Variants in PSD3 observed in about 807,000 individuals in gnomAD.
The protein encoded by PSD3 is pleckstrin and Sec7 domain containing 3.
In PSD3, 49 loss-of-function variants were observed where a neutral mutation model predicts 105.5. The observed-to-expected ratio is 0.46, with a 90% confidence interval of 0.37 to 0.59. The LOEUF is 0.59. PSD3 is among the 20% of genes least tolerant of loss of function. The pLI is 0.00. For synonymous variants in PSD3, 557 were observed against 457.8 expected (o/e 1.22, Z -2.77); for missense variants, 1,561 against 1,263.8 (o/e 1.24, Z -3.57).
chr8:18,614,346 C>A (rs1043219405), intron 11 of PSD3, among the ~76,000 whole-genome samples: 6 of 150,818 alleles, frequency 4.0e-5, no homozygotes, highest in South Asian at 2.1e-4. Flanking sequence ...CCCATCCCCC[C>A]CCCAAAAAAA....
intron 15 of PSD3, 105 bp downstream of exon 15, chr8:18,556,104 A>G: frequency 1.5e-6 from 2 of 1,355,682 alleles, no homozygotes; most frequent in Non-Finnish European, 2.0e-6. Flanking sequence ...AGCCAGGGGC[A>G]AGACACGCCT....
intron 9 of PSD3, among the ~76,000 whole-genome samples, chr8:18,681,221 T>G (rs1349439738): frequency 6.6e-6 from 1 of 151,716 alleles, no homozygotes; most frequent in Non-Finnish European, 1.5e-5. Context: ...TGGAGAGAGG[T>G]GGCAATGGGG....
chr8:18,626,273 T>G (rs1806469751), intron 11 of PSD3, among the ~76,000 whole-genome samples: 1 of 126,144 alleles, frequency 7.9e-6, no homozygotes, highest in Non-Finnish European at 1.6e-5. Flanking sequence ...CACCAAATCT[T>G]GAGTGAAATA....
chr8:18,808,632 T>A, intron 4 of PSD3: 1 of 1,288,242 alleles, frequency 7.8e-7, no homozygotes, highest in Non-Finnish European at 1.1e-6. Context: ...GCACAAAGGA[T>A]AAATATGTCC....
chr8:18,934,143 T>A (rs905557944), intron 2 of PSD3, among the ~76,000 whole-genome samples: 2 of 152,206 alleles, frequency 1.3e-5, no homozygotes, highest in African/African-American at 2.4e-5. Context: ...TCTGGAGTTA[T>A]TAAATAATCC....
At chr8:18,593,271 T>C (rs1471488649) in intron 12 of PSD3, among the ~76,000 whole-genome samples, 1 of 152,000 alleles carries the variant, frequency 6.6e-6, no homozygotes, top group African/African-American at 2.4e-5. Context: ...TCAAACAAAT[T>C]TACAAGAAAT....
At chr8:18,542,854 G>C (rs895139161) in intron 15 of PSD3, among the ~76,000 whole-genome samples, 1 of 152,120 alleles carries the variant, frequency 6.6e-6, no homozygotes, top group African/African-American at 2.4e-5. Context: ...GGTCAGTTTT[G>C]CTACCTTTGG....
intron 2 of PSD3, among the ~76,000 whole-genome samples, chr8:18,923,480 A>G (rs969550045): frequency 6.6e-6 from 1 of 152,240 alleles, no homozygotes; most frequent in Non-Finnish European, 1.5e-5. Flanking sequence ...TGGCTCACCA[A>G]TGACCACATA....
chr8:19,016,879 A>T (rs1827194731), upstream of PSD3, among the ~76,000 whole-genome samples: 1 of 151,926 alleles, frequency 6.6e-6, no homozygotes, highest in South Asian at 2.1e-4. Flanking sequence ...TAGATAACTG[A>T]CTCACTCTCT....
upstream of PSD3, among the ~76,000 whole-genome samples, chr8:19,018,407 G>A (rs1827243093): frequency 6.6e-6 from 1 of 151,798 alleles, no homozygotes; most frequent in South Asian, 2.1e-4. Flanking sequence ...TGATGCAGGT[G>A]TTCTATTTGG....
At chr8:18,961,949 T>A (rs1367815531) in intron 1 of PSD3, among the ~76,000 whole-genome samples, 2 of 152,032 alleles carry the variant, frequency 1.3e-5, no homozygotes. Context: ...ATCTATGACA[T>A]CGGCTTTCAC....
At chr8:19,037,604 G>A (rs923983015) in intron 1 of PSD3, among the ~76,000 whole-genome samples, 5 of 152,172 alleles carry the variant, frequency 3.3e-5, no homozygotes, top group Non-Finnish European at 5.9e-5. Context: ...AATGGCCATC[G>A]TCCAGTTTGG....
intron 14 of PSD3, among the ~76,000 whole-genome samples, chr8:18,557,207 C>T (rs1221636686): frequency 6.6e-6 from 1 of 152,120 alleles, no homozygotes; most frequent in Non-Finnish European, 1.5e-5. Context: ...GTTTCACATG[C>T]AAATTATCCA....
chr8:18,763,437 G>A (rs1234549286), intron 9 of PSD3, among the ~76,000 whole-genome samples: 5 of 152,160 alleles, frequency 3.3e-5, no homozygotes, highest in Non-Finnish European at 5.9e-5. Flanking sequence ...TTCTATGTAT[G>A]TATGTATCTG....
upstream of PSD3, chr8:19,013,774 G>T: frequency 4.0e-6 from 1 of 247,194 alleles, no homozygotes. Flanking sequence ...CCGCCCGCCC[G>T]GCCCCCAGTA....
intron 9 of PSD3, among the ~76,000 whole-genome samples, chr8:18,753,672 A>T (rs1200072573): frequency 1.3e-5 from 2 of 152,200 alleles, no homozygotes; most frequent in Non-Finnish European, 2.9e-5. Flanking sequence ...GAAATGAATT[A>T]TCCTACATTA....
intron 9 of PSD3, among the ~76,000 whole-genome samples, chr8:18,685,182 C>G (rs188703093): frequency 2.0e-3 from 297 of 152,146 alleles, no homozygotes; most frequent in African/African-American, 6.9e-3. Context: ...CTTTTTTTTA[C>G]AATGTACCAA....
intron 2 of PSD3, among the ~76,000 whole-genome samples, chr8:18,931,650 C>T (rs1423034662): frequency 1.3e-5 from 2 of 152,154 alleles, no homozygotes; most frequent in African/African-American, 4.8e-5. Context: ...CGACTCTTTT[C>T]TTTTAATGAT....
At chr8:18,595,157 T>A (rs1803994274) in intron 12 of PSD3, among the ~76,000 whole-genome samples, 1 of 151,740 alleles carries the variant, frequency 6.6e-6, no homozygotes, top group African/African-American at 2.4e-5. Context: ...CCTGAAATCA[T>A]TATCAGCTTA....
Sources: allele counts gnomAD v4.1 joint callset (sites outside exome capture counted in the v4.1 genomes callset), GRCh38; gene constraint gnomAD v4.1.1; transcripts MANE v1.5; gene names NCBI Gene and HGNC (gene_info 2026-07-23, HGNC 2026-07-21).